SOX6: variants seen among roughly 807,000 people sequenced by gnomAD.
SOX6 encodes the protein SRY-box transcription factor 6.
SOX6 carries 11 observed loss-of-function variants against 97.8 expected under a neutral mutation model. The observed-to-expected ratio is 0.11, with a 90% CI of 0.07 to 0.19. SOX6 has a LOEUF of 0.19. Among genes scored for constraint, SOX6 ranks in the 10% least tolerant of loss-of-function variants. SOX6 has a pLI of 1.00. For synonymous variants in SOX6, 360 were observed against 371.4 expected, an observed-to-expected ratio of 0.97 and a Z score of 0.35; for missense variants, 810 against 1,039.5, an observed-to-expected ratio of 0.78 and a Z score of 3.04.
Position 16,484,292 on chromosome 11 carries a change from T to C in SOX6, n.610-7904A>G. ...GTCACTGGGAACCACATTGCCCGACTCATCCAATGGGGAAAATTCCCTCCC... is the reference window on the plus strand; with the variant it reads ...GTCACTGGGAACCACATTGCCCGACCCATCCAATGGGGAAAATTCCCTCCC... On this transcript the variant is annotated intron_variant and non_coding_transcript_variant, in intron 4 of 5. Transcript: ENST00000524520. 6 of 1,114,508 alleles carry C rather than the reference T, an allele frequency of 5.4e-6. No individual in the cohort carries two copies. The South Asian group carries it at 6.1e-5, about 11-fold the overall frequency. The allele number at this position is 1,114,508 out of a possible 1,614,324, so 69.0% of individuals were successfully genotyped here.
intron 5 of SOX6, 106 bp from the exon 6 acceptor site, chr11:16,184,060 GTGAAA>G: frequency 9.1e-6 from 9 of 988,566 alleles, no homozygotes; most frequent in Non-Finnish European, 1.4e-5. Context: ...GCACCTCTAT[GTGAAA>G]GAGTTCCTAT....
chr11:16,596,654 A>C (rs1057217652), intron 4 of SOX6, among the ~76,000 whole-genome samples: 2 of 152,178 alleles, frequency 1.3e-5, no homozygotes, highest in African/African-American at 4.8e-5. Context: ...GTACAGAATC[A>C]CCTATATCCA....
intron 3 of SOX6, among the ~76,000 whole-genome samples, chr11:16,289,054 A>G (rs1014809990): frequency 1.3e-5 from 2 of 151,852 alleles, no homozygotes; most frequent in Non-Finnish European, 2.9e-5. Context: ...GAATTTATTG[A>G]GAAAAAAATT....
chr11:16,385,263 T>C (rs1395317189), intron 1 of SOX6, among the ~76,000 whole-genome samples: 3 of 152,114 alleles, frequency 2.0e-5, no homozygotes, highest in Admixed American at 6.6e-5. Flanking sequence ...CCCCCAAAAG[T>C]TGACATTTCC....
At chr11:16,460,823 C>A (rs1024853528) in intron 1 of SOX6, among the ~76,000 whole-genome samples, 1 of 152,030 alleles carries the variant, frequency 6.6e-6, no homozygotes, top group Non-Finnish European at 1.5e-5. Flanking sequence ...GATGAAAAAG[C>A]CATAATCTCT....
Position 15,989,167 on chromosome 11 carries a change from C to G in SOX6, c.1796G>C (p.Gly599Ala), listed in dbSNP as rs765032831. The change falls in exon 14 of 16, where the codon GGT becomes GCT. Residue 599 changes from glycine (G) to alanine (A), a missense_variant. Gly to Ala is a moderately conservative substitution (Grantham distance 60). This residue lies in a region of SOX6 where 120 missense variants were observed against 127.0 expected (regional missense o/e 0.94). Coordinates refer to ENST00000683767, the MANE Select transcript of SOX6 (RefSeq NM_001367873.1). ...LQQYYCWPTG[G>A]ATVAEARVYR... ...GACTCGTGCTTCAGCCACAGTGGCA[C>G]CTCCTGTTGGCCAACAATAATACTG... is the stretch of plus-strand genomic sequence containing the variant. 1 of 1,613,996 alleles carries G rather than the reference C, an allele frequency of 6.2e-7. No homozygotes were observed. The highest frequency in any genetic ancestry group is 1.3e-5 in the African/African-American group (1 of 74,926).
intron 3 of SOX6, among the ~76,000 whole-genome samples, chr11:16,288,068 A>G (rs796209094): frequency 5.9e-5 from 9 of 152,266 alleles, no homozygotes; most frequent in African/African-American, 1.9e-4. Flanking sequence ...CTTTACAGGT[A>G]CACTGGCTAT....
At chr11:16,572,794 T>C (rs1010291921) in intron 4 of SOX6, among the ~76,000 whole-genome samples, 5 of 152,204 alleles carry the variant, frequency 3.3e-5, no homozygotes, top group Admixed American at 1.3e-4. Flanking sequence ...TCCTTATTCA[T>C]AATGTCTTTC....
At chr11:16,614,815 A>G (rs979601746) in intron 3 of SOX6, among the ~76,000 whole-genome samples, 3 of 152,228 alleles carry the variant, frequency 2.0e-5, no homozygotes, top group African/African-American at 7.2e-5. Flanking sequence ...AATATACTTT[A>G]TAAATTGAGA....
At chr11:16,175,195 T>C (rs950733571) in intron 6 of SOX6, among the ~76,000 whole-genome samples, 6 of 151,972 alleles carry the variant, frequency 3.9e-5, no homozygotes, top group African/African-American at 1.4e-4. Flanking sequence ...TGTGTGTATA[T>C]GTGCACATGT....
At chr11:16,513,795 A>G (rs1202173567) in intron 4 of SOX6, among the ~76,000 whole-genome samples, 2 of 152,194 alleles carry the variant, frequency 1.3e-5, no homozygotes, top group Non-Finnish European at 2.9e-5. Flanking sequence ...GTAAAACACA[A>G]TGCCGACATA....
At chr11:16,159,982 A>T (rs1850703071) in intron 6 of SOX6, among the ~76,000 whole-genome samples, 1 of 152,280 alleles carries the variant, frequency 6.6e-6, no homozygotes, top group African/African-American at 2.4e-5. Flanking sequence ...AAGGGGACTA[A>T]CATACCAGAA....
At chr11:16,468,090 T>C (rs1418711449) in intron 1 of SOX6, among the ~76,000 whole-genome samples, 1 of 152,118 alleles carries the variant, frequency 6.6e-6, no homozygotes, top group Non-Finnish European at 1.5e-5. Context: ...TCTTAGAAAA[T>C]TGCCCCCAAC....
chr11:16,485,183 A>G (rs923717212), intron 4 of SOX6, among the ~76,000 whole-genome samples: 2 of 152,214 alleles, frequency 1.3e-5, no homozygotes, highest in Non-Finnish European at 2.9e-5. Flanking sequence ...AATTTGACAC[A>G]TTTTTACAAC....
At chr11:16,669,813 C>T (rs1847834043) in intron 3 of SOX6, among the ~76,000 whole-genome samples, 2 of 152,180 alleles carry the variant, frequency 1.3e-5, no homozygotes, top group African/African-American at 2.4e-5. Context: ...CAACCTGGAA[C>T]TCTGACACAA....
At chr11:16,023,545 T>C (rs1454275605) in intron 12 of SOX6, among the ~76,000 whole-genome samples, 1 of 152,172 alleles carries the variant, frequency 6.6e-6, no homozygotes, top group Non-Finnish European at 1.5e-5. Flanking sequence ...AGTGATCTCC[T>C]GGTCAGGGTT....
chr11:16,101,022 C>G (rs1285780473), intron 7 of SOX6, among the ~76,000 whole-genome samples: 2 of 151,686 alleles, frequency 1.3e-5, no homozygotes, highest in African/African-American at 2.4e-5. Context: ...ACATCCCTAA[C>G]TAACTCAAAA....
intron 4 of SOX6, chr11:16,483,998 C>T (rs1340300566): frequency 3.6e-6 from 3 of 842,682 alleles, no homozygotes; most frequent in Admixed American, 3.4e-5. Flanking sequence ...CTGGGATCCT[C>T]CAGGAGGCAA....
chr11:16,579,750 G>A (rs535166195), intron 4 of SOX6, among the ~76,000 whole-genome samples: 18 of 152,136 alleles, frequency 1.2e-4, no homozygotes, highest in Admixed American at 4.6e-4. Context: ...AAATTGCTAC[G>A]AACAAGCGGT....
Sources: allele counts gnomAD v4.1 joint callset (sites outside exome capture counted in the v4.1 genomes callset), GRCh38; gene constraint gnomAD v4.1.1; regional missense constraint gnomAD v4.1.1; transcripts MANE v1.5; gene names NCBI Gene and HGNC (gene_info 2026-07-23, HGNC 2026-07-21).